The following NEBL variants were observed in gnomAD, a reference collection of about 807,000 sequenced individuals.
NEBL encodes the protein nebulette.
In NEBL, 122 loss-of-function variants were observed where a neutral mutation model predicts 140.2. The ratio of observed to expected loss-of-function variants is 0.87; its 90% CI spans 0.75 to 1.01. NEBL has a LOEUF of 1.01. NEBL is among the 50% of genes least tolerant of loss of function. The probability of loss-of-function intolerance (pLI) is 0.00; values close to 1 mark genes in which losing one functional copy is unlikely to be tolerated. For missense variants in NEBL, 1,365 were observed against 1,231.3 expected (o/e 1.11, Z -1.62); for synonymous variants, 436 against 398.9 (o/e 1.09, Z -1.11).
chr10:21,088,457 C>A (rs1422160514), intron 2 of NEBL, among the ~76,000 whole-genome samples: 1 of 152,160 alleles, frequency 6.6e-6, no homozygotes, highest in Non-Finnish European at 1.5e-5. Context: ...GCACTCCAAC[C>A]TGGTTGTCAC....
chr10:21,154,727 A>G (rs941693446), intron 2 of NEBL, among the ~76,000 whole-genome samples: 2 of 152,208 alleles, frequency 1.3e-5, no homozygotes, highest in Admixed American at 1.3e-4. Context: ...TGCCTTTATT[A>G]ACTCTTACTC....
At chr10:20,845,205 G>GT in intron 12 of NEBL, 53 bp downstream of exon 12, 3 of 1,174,072 alleles carry the variant, frequency 2.6e-6, no homozygotes, top group South Asian at 1.3e-5. Context: ...CATTTCCTGG[G>GT]TTTTTTCTTT....
intron 2 of NEBL, among the ~76,000 whole-genome samples, chr10:21,103,370 T>G (rs879361333): frequency 6.6e-6 from 1 of 151,912 alleles, no homozygotes; most frequent in Non-Finnish European, 1.5e-5. Flanking sequence ...CCCGCCACCA[T>G]GCCCGGCTAA....
At chr10:21,235,330 A>G (rs985168763) in intron 3 of NEBL, among the ~76,000 whole-genome samples, 1 of 151,248 alleles carries the variant, frequency 6.6e-6, no homozygotes, top group African/African-American at 2.4e-5. Context: ...AAATCCAAAA[A>G]CATAAGTGTT....
At chr10:21,291,464 C>G (rs149599629) in intron 1 of NEBL, among the ~76,000 whole-genome samples, 1 of 150,958 alleles carries the variant, frequency 6.6e-6, no homozygotes, top group East Asian at 2.0e-4. Context: ...CCATATCACA[C>G]CACTGCACTC....
chr10:21,084,668 G>A (rs1262098562), intron 2 of NEBL, among the ~76,000 whole-genome samples: 7 of 152,148 alleles, frequency 4.6e-5, no homozygotes, highest in African/African-American at 1.7e-4. Flanking sequence ...AAACTAAAGA[G>A]AGTAGAAGAG....
chr10:20,947,186 A>AT (rs1297293441), intron 4 of NEBL, among the ~76,000 whole-genome samples: 1 of 152,208 alleles, frequency 6.6e-6, no homozygotes, highest in Non-Finnish European at 1.5e-5. Context: ...TCAAAGAGTC[A>AT]TATGTCGAAA....
intron 10 of NEBL, among the ~76,000 whole-genome samples, chr10:20,851,748 G>A (rs1394184940): frequency 1.3e-5 from 2 of 152,056 alleles, no homozygotes; most frequent in African/African-American, 4.8e-5. Context: ...TCACGCCATT[G>A]CACTCCAGCC....
chr10:20,997,089 A>G (rs929982329), intron 3 of NEBL, among the ~76,000 whole-genome samples: 3 of 152,202 alleles, frequency 2.0e-5, no homozygotes, highest in Admixed American at 2.0e-4. Flanking sequence ...TTTGGTCACT[A>G]CTTGGTTTTT....
At chr10:21,026,934 C>G in intron 2 of NEBL, among the ~76,000 whole-genome samples, 1 of 152,174 alleles carries the variant, frequency 6.6e-6, no homozygotes, top group East Asian at 1.9e-4. Flanking sequence ...CCCACTCCCC[C>G]TCTTGGCCAC....
intron 3 of NEBL, among the ~76,000 whole-genome samples, chr10:21,017,440 A>G (rs919879925): frequency 2.6e-5 from 4 of 152,150 alleles, no homozygotes; most frequent in African/African-American, 9.7e-5. Context: ...TCTTCCCCTG[A>G]CTGCTGCTTG....
intron 3 of NEBL, among the ~76,000 whole-genome samples, chr10:21,199,608 A>C (rs1841702736): frequency 6.6e-6 from 1 of 152,308 alleles, no homozygotes; most frequent in African/African-American, 2.4e-5. Context: ...GCTTGGACTG[A>C]TCTGAGAAGG....
intron 3 of NEBL, among the ~76,000 whole-genome samples, chr10:20,999,366 G>A (rs1162354829): frequency 6.6e-6 from 1 of 152,188 alleles, no homozygotes; most frequent in Non-Finnish European, 1.5e-5. Flanking sequence ...GGAGGGTAAG[G>A]TGGGAGGGTT....
chr10:20,940,292 C>T (rs1003085603), intron 4 of NEBL, among the ~76,000 whole-genome samples: 4 of 150,684 alleles, frequency 2.7e-5, no homozygotes, highest in East Asian at 1.9e-4. Context: ...CAATCAAAAC[C>T]GCTCAACTAC....
At chr10:20,998,058 A>T (rs1712484837) in intron 3 of NEBL, among the ~76,000 whole-genome samples, 1 of 152,266 alleles carries the variant, frequency 6.6e-6, no homozygotes, top group Non-Finnish European at 1.5e-5. Flanking sequence ...TAAAAGTCCA[A>T]ATATAAAAAT....
At position 20,785,646 on chromosome 10, in the gene NEBL, T is replaced by C. The variant is rs919273408; in HGVS notation, c.*101A>G. 2.5e-5 allele frequency: 34 copies of C among 1,342,378 alleles called. No individual in the cohort carries two copies. The highest frequency in any genetic ancestry group is 3.4e-5 in the Non-Finnish European group (33 of 961,502). 83.2% of individuals were successfully genotyped at this position (1,342,378 alleles called of 1,614,324 possible). A position where few individuals can be genotyped will look rare whatever the true frequency, so the allele number is the denominator to read the frequency against. On this transcript the variant is annotated 3_prime_UTR_variant, in exon 28 of 28. Transcript: ENST00000377122. ...AATTGTCAAAGGAAGGATACATCAT[T>C]GTAAAATAATGGCCAAGTTGTCTTA...
At chr10:20,935,452 C>T (rs1834428995) in intron 4 of NEBL, among the ~76,000 whole-genome samples, 1 of 152,160 alleles carries the variant, frequency 6.6e-6, no homozygotes, top group Non-Finnish European at 1.5e-5. Flanking sequence ...GATAACAGAA[C>T]TGAGAACACC....
intron 2 of NEBL, chr10:21,110,946 A>G (rs1564514859): frequency 2.2e-6 from 1 of 453,000 alleles, no homozygotes. Flanking sequence ...CTATGCAGCA[A>G]TAACAGACAA....
At chr10:20,881,955 T>G (rs974591201) in intron 4 of NEBL, among the ~76,000 whole-genome samples, 1 of 152,138 alleles carries the variant, frequency 6.6e-6, no homozygotes, top group African/African-American at 2.4e-5. Context: ...GGCTCATGCC[T>G]GTAATTAGGG....
Sources: allele counts gnomAD v4.1 joint callset (sites outside exome capture counted in the v4.1 genomes callset), GRCh38; gene constraint gnomAD v4.1.1; transcripts MANE v1.5; gene names NCBI Gene and HGNC (gene_info 2026-07-23, HGNC 2026-07-21).